MYPN: variants seen among roughly 807,000 people sequenced by gnomAD.
MYPN encodes the protein myopalladin.
Under a neutral mutation model 129.4 loss-of-function variants are expected in MYPN, and 63 were observed. The observed-to-expected ratio is 0.49, with a 90% CI of 0.40 to 0.60. The LOEUF is 0.60. MYPN is among the 20% of genes least tolerant of loss of function. The pLI is 0.00. For missense variants in MYPN, 1,596 were observed against 1,635.4 expected (o/e 0.98, Z 0.42); for synonymous variants, 629 against 600.9 (o/e 1.05, Z -0.68).
At chr10:68,194,653 G>A in intron 14 of MYPN, 141 bp downstream of exon 14, 1 of 992,928 alleles carries the variant, frequency 1.0e-6, no homozygotes, top group East Asian at 2.7e-5. Flanking sequence ...TGTGTAACTA[G>A]GGCACAGCAT....
At chr10:68,105,795 A>G (rs1360062657), upstream of MYPN, among the ~76,000 whole-genome samples, 2 of 152,240 alleles carry the variant, frequency 1.3e-5, no homozygotes, top group African/African-American at 2.4e-5. Flanking sequence ...ATATTTATAC[A>G]TGTAATATGC....
Position 68,121,632 on chromosome 10 carries a change from C to T in MYPN, c.194C>T (p.Ala65Val), listed in dbSNP as rs147553723. ...CAAGATGACCTTCCAGATCTTTCAGCCTTTCTGAGCCAAGAAGAATTAGAC... is the reference window on the plus strand; with the variant it reads ...CAAGATGACCTTCCAGATCTTTCAGTCTTTCTGAGCCAAGAAGAATTAGAC... The part of the protein sequence containing the change: ...GGQDDLPDLS[A>V]FLSQEELDES... The change falls in exon 2 of 20, where the codon GCC (alanine) becomes GTC (valine). Residue 65 changes from alanine to valine, a missense_variant. Ala to Val is a moderately conservative substitution (Grantham distance 64). Coordinates refer to ENST00000358913, the MANE Select transcript of MYPN (RefSeq NM_032578.4). 41 of 1,614,096 alleles carry T rather than the reference C, an allele frequency of 2.5e-5. No homozygotes were observed. The highest frequency in any genetic ancestry group is 3.2e-5 in the Non-Finnish European group (38 of 1,180,046).
At chr10:68,161,805 C>G (rs755714400) in intron 8 of MYPN, 53 bp downstream of exon 8, 31 of 1,315,338 alleles carry the variant, frequency 2.4e-5, no homozygotes, top group Non-Finnish European at 3.4e-5. Flanking sequence ...TTTATATATA[C>G]AAGAATACAT....
upstream of MYPN, among the ~76,000 whole-genome samples, chr10:68,105,175 C>T (rs539823808): frequency 2.0e-5 from 3 of 152,274 alleles, no homozygotes; most frequent in Non-Finnish European, 2.9e-5. Context: ...TGAGCACAGA[C>T]TCAGGTTCAA....
chr10:68,211,548 T>C lies in MYPN; in HGVS notation c.*1093T>C, dbSNP rs2043916037. 1 of 453,980 alleles carries C rather than the reference T, an allele frequency of 2.2e-6. No homozygotes were observed. The highest frequency in any genetic ancestry group is 4.4e-6 in the Non-Finnish European group (1 of 226,798). 28.1% of individuals were successfully genotyped at this position (453,980 alleles called of 1,614,324 possible). ...AGAATATTCTGCTAGGTGGAAAAGT[T>C]GGGAGAAAGGGGAATATGCATCTTT... On this transcript the variant is annotated 3_prime_UTR_variant, in exon 20 of 20. Transcript: ENST00000358913.
intron 2 of MYPN, chr10:68,136,454 A>G (rs2042488385): frequency 3.9e-6 from 4 of 1,018,232 alleles, no homozygotes; most frequent in East Asian, 3.2e-5. Flanking sequence ...TGGAGGTTTG[A>G]GAGTATGGTT....
At chr10:68,125,080 A>C (rs1435627937) in intron 2 of MYPN, among the ~76,000 whole-genome samples, 2 of 152,174 alleles carry the variant, frequency 1.3e-5, no homozygotes, top group African/African-American at 4.8e-5. Context: ...GTCTCATCCT[A>C]CTCATTTTTC....
At chr10:68,107,651 G>A (rs751854278), upstream of MYPN, among the ~76,000 whole-genome samples, 4 of 151,808 alleles carry the variant, frequency 2.6e-5, no homozygotes, top group African/African-American at 4.8e-5. Flanking sequence ...GCGCCCGGCC[G>A]GCTTCTTTTT....
At chr10:68,141,146 G>T (rs1385933224) in intron 2 of MYPN, among the ~76,000 whole-genome samples, 2 of 152,286 alleles carry the variant, frequency 1.3e-5, no homozygotes, top group East Asian at 3.9e-4. Flanking sequence ...CAAGGCGGGT[G>T]GATCACGAGG....
At position 68,194,295 on chromosome 10, in the gene MYPN, C is replaced by A; in HGVS notation, c.2926-68C>A. ...ATGGCAGTTGGCCCTTTCCTCACCCCAGACCCTAGTTCATTAACCTCTAAA... is the reference window on the plus strand; with the variant it reads ...ATGGCAGTTGGCCCTTTCCTCACCCAAGACCCTAGTTCATTAACCTCTAAA... On this transcript the variant is annotated intron_variant, in intron 13 of 19. Transcript: ENST00000358913. The A allele has an allele frequency of 7.0e-6, 11 of 1,571,120 alleles. 1 individual carries two copies. The South Asian group carries it at 1.3e-4, about 18-fold the overall frequency.
At chr10:68,126,943 A>G (rs1291378560) in intron 2 of MYPN, among the ~76,000 whole-genome samples, 2 of 152,196 alleles carry the variant, frequency 1.3e-5, no homozygotes, top group Non-Finnish European at 2.9e-5. Flanking sequence ...CGTAAACACA[A>G]CTAATACTTG....
chr10:68,145,356 T>A (rs763737058), intron 3 of MYPN, 119 bp from the exon 4 acceptor site: 1 of 801,330 alleles, frequency 1.2e-6, no homozygotes, highest in Non-Finnish European at 2.1e-6. Context: ...TCTGTAGGTA[T>A]TCAGATATTT....
chr10:68,109,711 T>C lies in MYPN; in HGVS notation c.-14T>C, dbSNP rs1564640690. The C allele has an allele frequency of 2.2e-6, 1 of 453,166 alleles. No homozygotes were observed. Among genetic ancestry groups the C allele is most frequent in the East Asian group, 6.9e-5 (1 of 14,402 alleles). 28.1% of individuals were successfully genotyped at this position (453,166 alleles called of 1,614,324 possible). A position where few individuals can be genotyped will look rare whatever the true frequency, so the allele number is the denominator to read the frequency against. ...ATTGGACATCCTCATCTGGGTCAACTAAAAAAAGAAAGGTAATATCCAGAT... is the reference window on the plus strand; with the variant it reads ...ATTGGACATCCTCATCTGGGTCAACCAAAAAAAGAAAGGTAATATCCAGAT... On this transcript the variant is annotated 5_prime_UTR_variant, in exon 1 of 20. Coordinates refer to ENST00000358913, the MANE Select transcript of MYPN (RefSeq NM_032578.4).
At chr10:68,151,733 T>C (rs778347450) in intron 6 of MYPN, among the ~76,000 whole-genome samples, 2 of 152,210 alleles carry the variant, frequency 1.3e-5, no homozygotes, top group African/African-American at 4.8e-5. Context: ...CTTCCCTTCC[T>C]CAACTCCATC....
upstream of MYPN, chr10:68,106,806 G>A (rs1218474769): frequency 1.4e-6 from 1 of 717,130 alleles, no homozygotes; most frequent in Non-Finnish European, 2.6e-6. Context: ...CCCAATGTGA[G>A]TAAATTGTTT....
In MYPN at chr10:68,201,922, T is replaced by C. The variant is rs2043721402; in HGVS notation, c.3587T>C (p.Ile1196Thr). 13 of 1,614,136 alleles carry C rather than the reference T, an allele frequency of 8.1e-6. No homozygotes were observed. Among genetic ancestry groups the C allele is most frequent in the Non-Finnish European group, 1.1e-5 (13 of 1,180,026 alleles). Reference protein sequence around the residue: ...GHPVRLECRVIGMPPPVFYWK... With the variant: ...GHPVRLECRVTGMPPPVFYWK... ...CCCGTGAGACTGGAGTGCCGCGTGATAGGCATGCCCCCACCTGTGTTCTAC... is the reference window on the plus strand; with the variant it reads ...CCCGTGAGACTGGAGTGCCGCGTGACAGGCATGCCCCCACCTGTGTTCTAC... Residue 1196 changes from isoleucine to threonine, a missense_variant, in exon 18 of 20, where the codon ATA (isoleucine) becomes ACA (threonine). Transcript: ENST00000358913.
At chr10:68,132,767 A>G (rs892340633) in intron 2 of MYPN, among the ~76,000 whole-genome samples, 1 of 152,254 alleles carries the variant, frequency 6.6e-6, no homozygotes, top group African/African-American at 2.4e-5. Context: ...AGTTGACTAC[A>G]GTGAATACTA....
chr10:68,167,600 A>C (rs954191498), intron 10 of MYPN, among the ~76,000 whole-genome samples: 10 of 152,190 alleles, frequency 6.6e-5, no homozygotes, highest in Admixed American at 5.2e-4. Context: ...ATTGTTTCTA[A>C]TTACAGAAAC....
At chr10:68,194,144 AATAAT>A (rs763766771) in intron 13 of MYPN, among the ~76,000 whole-genome samples, 1 of 152,112 alleles carries the variant, frequency 6.6e-6, no homozygotes, top group Non-Finnish European at 1.5e-5. Flanking sequence ...TCTTGACTTA[AATAAT>A]ATAATATTTA....
Sources: gnomAD v4.1 joint callset for allele counts (sites outside exome capture counted in the v4.1 genomes callset) on GRCh38, gnomAD v4.1.1 for gene constraint, MANE v1.5 for transcripts, NCBI Gene and HGNC (gene_info 2026-07-23, HGNC 2026-07-21) for gene names.